RNF168: variants seen among roughly 807,000 people sequenced by gnomAD.
The protein encoded by RNF168 is E3 ubiquitin-protein ligase RNF168.
In RNF168, 34 loss-of-function variants were observed where a neutral mutation model predicts 34.9. The observed-to-expected ratio is 0.97, with a 90% confidence interval of 0.74 to 1.30. RNF168 has a LOEUF of 1.30. Among genes scored for constraint, RNF168 ranks in the 50% most tolerant of loss-of-function variants. The pLI is 0.00. For synonymous variants in RNF168, 264 were observed against 254.7 expected (o/e 1.04, Z -0.35); for missense variants, 725 against 682.5 (o/e 1.06, Z -0.69).
Position 196,487,517 on chromosome 3 carries a change from T to G in RNF168, c.440A>C (p.Gln147Pro), listed in dbSNP as rs1458542259. Residue 147 changes from glutamine (Q) to proline (P), a missense_variant, in exon 3 of 6, where the codon CAG becomes CCG. Physicochemically the swap from Gln to Pro is moderately conservative, Grantham distance 76. Coordinates refer to ENST00000318037, the MANE Select transcript of RNF168 (RefSeq NM_152617.4). ...TTCTTCCTCCTCTGCCAACAACCTCTGTATGTATTCTTCACTGGCTTTGTT... is the reference window on the plus strand; with the variant it reads ...TTCTTCCTCCTCTGCCAACAACCTCGGTATGTATTCTTCACTGGCTTTGTT... ...EENKASEEYI[Q>P]RLLAEEEEEE... The G allele has an allele frequency of 6.2e-7, 1 of 1,614,096 alleles. No individual in the cohort carries two copies. The highest frequency in any genetic ancestry group is 8.5e-7 in the Non-Finnish European group (1 of 1,180,026).
intron 1 of RNF168, among the ~76,000 whole-genome samples, chr3:196,496,565 C>T (rs969753343): frequency 1.3e-5 from 2 of 152,216 alleles, no homozygotes; most frequent in African/African-American, 2.4e-5. Context: ...GTGACCTACA[C>T]AAACAGAGAA....
At chr3:196,476,853 T>G (rs1434047400) in intron 4 of RNF168, among the ~76,000 whole-genome samples, 2 of 152,032 alleles carry the variant, frequency 1.3e-5, no homozygotes, top group African/African-American at 4.8e-5. Context: ...GTTCAAGTGA[T>G]TCTCCTGCCT....
intron 4 of RNF168, among the ~76,000 whole-genome samples, chr3:196,476,242 T>C (rs1388662061): frequency 6.6e-6 from 1 of 152,142 alleles, no homozygotes. Context: ...TTCCCAAAAG[T>C]AATGAAAATG....
chr3:196,476,930 T>G (rs1732164058), intron 4 of RNF168, among the ~76,000 whole-genome samples: 1 of 151,542 alleles, frequency 6.6e-6, no homozygotes, highest in South Asian at 2.1e-4. Context: ...GTATTTTTAA[T>G]AGAGACAGGG....
In RNF168 at chr3:196,483,098, C is replaced by CT. The variant is rs1226392097; in HGVS notation, c.680+671dup. Reference sequence around the variant, plus strand: ...ACTGGCGACACTGATATTGTCACATCTTTTTTTTTTTTTAATAGTACCTCC... The same window carrying CT: ...ACTGGCGACACTGATATTGTCACATCTTTTTTTTTTTTTTAATAGTACCTCC... On this transcript the variant is annotated intron_variant, in intron 4 of 5. Transcript: ENST00000318037. Among the ~76,000 whole-genome samples the CT allele has an allele frequency of 5.2e-3, 752 of 144,240 alleles. 5 individuals are homozygous for CT. Among genetic ancestry groups the CT allele is most frequent in the African/African-American group, 0.015 (610 of 39,616 alleles). 94.6% of individuals were successfully genotyped at this position (144,240 alleles called of 152,430 possible).
chr3:196,480,151 T>C (rs1271519091), intron 4 of RNF168, among the ~76,000 whole-genome samples: 1 of 152,172 alleles, frequency 6.6e-6, no homozygotes, highest in Non-Finnish European at 1.5e-5. Flanking sequence ...TTTTTAAATT[T>C]TTTACTTTTT....
At chr3:196,488,297 C>T (rs1482859933) in intron 2 of RNF168, among the ~76,000 whole-genome samples, 2 of 151,944 alleles carry the variant, frequency 1.3e-5, no homozygotes, top group Admixed American at 6.6e-5. Context: ...CTGGTGAACA[C>T]TGTGAAACCC....
chr3:196,494,746 G>A (rs1732695552), intron 1 of RNF168, among the ~76,000 whole-genome samples: 2 of 152,262 alleles, frequency 1.3e-5, no homozygotes, highest in Admixed American at 6.5e-5. Flanking sequence ...TGGCAATCAG[G>A]GGCAAAGTGC....
intron 3 of RNF168, among the ~76,000 whole-genome samples, chr3:196,484,171 C>CCTTTTT (rs1732363252): frequency 8.4e-6 from 1 of 119,462 alleles, no homozygotes; most frequent in Non-Finnish European, 1.6e-5. Context: ...TCTTTCTTTC[C>CCTTTTT]TTTTTTTTTT....
chr3:196,480,908 G>T (rs1474690285), intron 4 of RNF168, among the ~76,000 whole-genome samples: 2 of 152,136 alleles, frequency 1.3e-5, no homozygotes, highest in Non-Finnish European at 2.9e-5. Flanking sequence ...GTCTCCCGAA[G>T]TGCTGGGATT....
chr3:196,483,983 AT>A, intron 3 of RNF168, 92 bp from the exon 4 acceptor site: 1 of 962,850 alleles, frequency 1.0e-6, no homozygotes, highest in Admixed American at 1.8e-5. Context: ...AATCCATAGC[AT>A]TTTTCAGAAA....
intron 5 of RNF168, among the ~76,000 whole-genome samples, chr3:196,473,721 G>A (rs1486382972): frequency 6.6e-6 from 1 of 151,952 alleles, no homozygotes; most frequent in Non-Finnish European, 1.5e-5. Context: ...CGGGCGTGGG[G>A]GTATAAGCCT....
At chr3:196,473,001 A>G (rs1732052230) in intron 5 of RNF168, among the ~76,000 whole-genome samples, 1 of 152,064 alleles carries the variant, frequency 6.6e-6, no homozygotes, top group African/African-American at 2.4e-5. Context: ...TCCCAGGTTC[A>G]AGTGATTCTC....
chr3:196,480,618 A>G (rs1423938190), intron 4 of RNF168, among the ~76,000 whole-genome samples: 1 of 152,176 alleles, frequency 6.6e-6, no homozygotes, highest in Non-Finnish European at 1.5e-5. Flanking sequence ...TATATTTAAT[A>G]TAATACAATT....
chr3:196,498,896 G>A (rs535615064), intron 1 of RNF168, among the ~76,000 whole-genome samples: 1 of 152,018 alleles, frequency 6.6e-6, no homozygotes, highest in East Asian at 1.9e-4. Flanking sequence ...TTAGGAGGCT[G>A]AGGCAGGAGA....
rs747744701 is a variant in RNF168, at chr3:196,471,893, T to C, written c.1642A>G (p.Lys548Glu). ...NSTRDHCKVS[K>E]SAHSLQPSIS... ...CTAGGCTGTAGGGAGTGAGCACTTT[T>C]GGATACCTTACAGTGATCTCTAGTA... Residue 548 changes from lysine (K) to glutamate (E), a missense_variant, in exon 6 of 6, where the codon AAA becomes GAA. By Grantham distance (56) the Lys-to-Glu change is moderately conservative. Transcript: ENST00000318037. The C allele has an allele frequency of 1.9e-6, 3 of 1,614,188 alleles. No individual in the cohort carries two copies. Among genetic ancestry groups the C allele is most frequent in the Non-Finnish European group, 2.5e-6 (3 of 1,179,992 alleles).
At chr3:196,477,108 G>A (rs12635457) in intron 4 of RNF168, among the ~76,000 whole-genome samples, 80,407 of 152,014 alleles carry the variant, frequency 0.53, 22,653 homozygotes, top group Non-Finnish European at 0.63. Flanking sequence ...AAAACACTAC[G>A]GTTTTAATAG....
intron 4 of RNF168, among the ~76,000 whole-genome samples, chr3:196,478,186 T>C (rs1732195121): frequency 5.9e-5 from 9 of 152,202 alleles, no homozygotes; most frequent in Admixed American, 5.9e-4. Flanking sequence ...TGGGATCCAT[T>C]CCCATTTGCT....
chr3:196,478,654 TTTTG>T (rs201794390), intron 4 of RNF168, among the ~76,000 whole-genome samples: 1,556 of 152,020 alleles, frequency 0.01, 13 homozygotes, highest in Non-Finnish European at 0.015. Context: ...CTCTTTTTGA[TTTTG>T]TTTATTTTAG....
Sources: allele counts gnomAD v4.1 joint callset (sites outside exome capture counted in the v4.1 genomes callset), GRCh38; gene constraint gnomAD v4.1.1; transcripts MANE v1.5; gene names NCBI Gene and HGNC (gene_info 2026-07-23, HGNC 2026-07-21).